GPD2: variants seen among roughly 807,000 people sequenced by gnomAD.
GPD2 encodes the protein glycerol-3-phosphate dehydrogenase, mitochondrial.
GPD2 carries 54 observed loss-of-function variants against 82.4 expected under a neutral mutation model. That is an observed-to-expected ratio of 0.66 (90% confidence interval 0.53 to 0.82). The LOEUF is 0.82. Among genes scored for constraint, GPD2 ranks in the 40% least tolerant of loss-of-function variants. The pLI is 0.00. For synonymous variants in GPD2, 288 were observed against 306.1 expected (o/e 0.94, Z 0.62); for missense variants, 748 against 896.2 (o/e 0.83, Z 2.11).
chr2:156,549,711 GAC>G lies in GPD2; in HGVS notation c.767_768del (p.Thr256ArgfsTer24). On this transcript the variant is annotated frameshift_variant, in exon 7 of 17. Transcript: ENST00000438166. LOFTEE classifies it high-confidence loss of function. ...TGGAGGTAGTGAGCTTGCTCAAGAA[GAC>G]AGACCCCCAGACAGGGAAAGTGCGT... ...YMEVVSLLKK[T>X]DPQTGKVRVS... The G allele has an allele frequency of 6.2e-7, 1 of 1,614,118 alleles. No homozygotes were observed. The highest frequency in any genetic ancestry group is 8.5e-7 in the Non-Finnish European group (1 of 1,179,938).
At chr2:156,520,571 AT>A (rs1219744053) in intron 6 of GPD2, among the ~76,000 whole-genome samples, 2 of 144,344 alleles carry the variant, frequency 1.4e-5, no homozygotes, top group Non-Finnish European at 3.1e-5. Flanking sequence ...TTATTTATTT[AT>A]TTATTTATTT....
At chr2:156,558,909 C>A (rs1395175737) in intron 9 of GPD2, among the ~76,000 whole-genome samples, 1 of 151,630 alleles carries the variant, frequency 6.6e-6, no homozygotes, top group Non-Finnish European at 1.5e-5. Context: ...AGCCACCGTG[C>A]CTGGCCGAAA....
chr2:156,471,125 A>T lies in GPD2; in HGVS notation c.-8-4973A>T, dbSNP rs192483923. Among the ~76,000 whole-genome samples, 320 of 152,342 alleles carry T rather than the reference A, an allele frequency of 2.1e-3. 3 individuals carry two copies. The highest frequency in any genetic ancestry group is 0.01 in the Middle Eastern group (3 of 294). On this transcript the variant is annotated intron_variant, in intron 1 of 16. Coordinates refer to ENST00000438166, the MANE Select transcript of GPD2 (RefSeq NM_000408.5). ...GTCATTTTCCAGCTGCCCAAACTAA[A>T]ACCACTTATTGTGTTCAGTCTCTTC...
chr2:156,510,079 G>A (rs1558934848), intron 3 of GPD2, among the ~76,000 whole-genome samples: 1 of 151,980 alleles, frequency 6.6e-6, no homozygotes, highest in Non-Finnish European at 1.5e-5. Flanking sequence ...CACTACGCCT[G>A]GCAAGAATAT....
chr2:156,415,466 A>G, the GPD2 span, among the ~76,000 whole-genome samples: 1 of 152,124 alleles, frequency 6.6e-6, no homozygotes, highest in Admixed American at 6.5e-5. Context: ...CCGTTGTATC[A>G]TTCTTATGCC....
intron 8 of GPD2, among the ~76,000 whole-genome samples, chr2:156,555,567 CTGAG>C (rs1049277803): frequency 2.0e-5 from 3 of 152,050 alleles, no homozygotes; most frequent in Admixed American, 6.6e-5. Context: ...AGAATGAACT[CTGAG>C]TGTTCTAATC....
At chr2:156,488,049 C>T (rs1684010755) in intron 2 of GPD2, among the ~76,000 whole-genome samples, 1 of 152,156 alleles carries the variant, frequency 6.6e-6, no homozygotes, top group Non-Finnish European at 1.5e-5. Flanking sequence ...GGGAACTAGA[C>T]CTTCATTCTC....
At chr2:156,506,483 G>A (rs1286185328) in intron 3 of GPD2, among the ~76,000 whole-genome samples, 1 of 151,970 alleles carries the variant, frequency 6.6e-6, no homozygotes, top group Non-Finnish European at 1.5e-5. Flanking sequence ...AGTTTTGAGA[G>A]CTTTAAAGTG....
chr2:156,483,946 G>A (rs1381962052), intron 2 of GPD2, among the ~76,000 whole-genome samples: 1 of 144,668 alleles, frequency 6.9e-6, no homozygotes, highest in Non-Finnish European at 1.5e-5. Context: ...TGATGTAGCT[G>A]TAGCTGAAAC....
At chr2:156,534,315 G>C (rs1486492927) in intron 6 of GPD2, among the ~76,000 whole-genome samples, 1 of 152,102 alleles carries the variant, frequency 6.6e-6, no homozygotes, top group Non-Finnish European at 1.5e-5. Flanking sequence ...TCATCTGCTC[G>C]AGGAGCCTGG....
intron 6 of GPD2, among the ~76,000 whole-genome samples, chr2:156,544,102 C>T (rs1686431790): frequency 6.6e-6 from 1 of 152,090 alleles, no homozygotes. Flanking sequence ...GAATGCTCAT[C>T]AGGTGGCTCT....
intron 1 of GPD2, among the ~76,000 whole-genome samples, chr2:156,438,857 G>A (rs372217694): frequency 6.6e-6 from 1 of 152,310 alleles, no homozygotes; most frequent in South Asian, 2.1e-4. Flanking sequence ...AAACATAGAT[G>A]GAAAACAATT....
At chr2:156,484,848 C>T (rs752820318) in intron 2 of GPD2, among the ~76,000 whole-genome samples, 1 of 152,076 alleles carries the variant, frequency 6.6e-6, no homozygotes, top group Non-Finnish European at 1.5e-5. Flanking sequence ...TCAAAACAAA[C>T]AAATAAACAA....
chr2:156,529,243 G>C (rs1230597064), intron 6 of GPD2, among the ~76,000 whole-genome samples: 1 of 151,500 alleles, frequency 6.6e-6, no homozygotes, highest in Non-Finnish European at 1.5e-5. Context: ...CTTCTTTTGA[G>C]AAGTGTCTGT....
chr2:156,527,969 G>A (rs1046852066), intron 6 of GPD2, among the ~76,000 whole-genome samples: 1 of 152,046 alleles, frequency 6.6e-6, no homozygotes, highest in Non-Finnish European at 1.5e-5. Context: ...ATAATTCCCC[G>A]TGTGCAAAGC....
intron 1 of GPD2, among the ~76,000 whole-genome samples, chr2:156,458,692 T>C (rs1197865575): frequency 6.6e-6 from 1 of 152,226 alleles, no homozygotes; most frequent in Non-Finnish European, 1.5e-5. Flanking sequence ...GGAAAATCAC[T>C]CAAGTAATGG....
At chr2:156,407,944 ATTTTTTT>A in the GPD2 span, among the ~76,000 whole-genome samples, 1 of 56,434 alleles carries the variant, frequency 1.8e-5, no homozygotes, top group Non-Finnish European at 3.0e-5. Flanking sequence ...CCATGCTGTA[ATTTTTTT>A]TTTTTTTTTT....
chr2:156,408,025 G>A, the GPD2 span, among the ~76,000 whole-genome samples: 1 of 141,584 alleles, frequency 7.1e-6, no homozygotes, highest in African/African-American at 2.6e-5. Flanking sequence ...TGCAATCACG[G>A]CTCACTGTTG....
At chr2:156,582,378 T>TA (rs1280279455) in intron 16 of GPD2, among the ~76,000 whole-genome samples, 2 of 150,230 alleles carry the variant, frequency 1.3e-5, no homozygotes, top group South Asian at 2.1e-4. Context: ...ACAGTAACAT[T>TA]AAAAAAAAGG....
Sources: allele counts gnomAD v4.1 joint callset (sites outside exome capture counted in the v4.1 genomes callset), GRCh38; gene constraint gnomAD v4.1.1; transcripts MANE v1.5; gene names NCBI Gene and HGNC (gene_info 2026-07-23, HGNC 2026-07-21).